The following STARD3NL variants were observed in gnomAD, a reference collection of about 807,000 sequenced individuals.
STARD3NL encodes STARD3 N-terminal like.
In STARD3NL, 17 loss-of-function variants were observed where a neutral mutation model predicts 30.9. The ratio of observed to expected loss-of-function variants is 0.55; its 90% CI spans 0.38 to 0.82. The LOEUF (loss-of-function observed/expected upper bound fraction) is 0.82, where lower values mean the gene tolerates loss of function less well. Among genes scored for constraint, STARD3NL ranks in the 40% least tolerant of loss-of-function variants. The pLI, the probability that STARD3NL is intolerant of heterozygous loss-of-function variation, is 0.00. For missense variants in STARD3NL, 234 were observed against 277.6 expected (o/e 0.84, Z 1.12); for synonymous variants, 112 against 100.5 (o/e 1.11, Z -0.69).
At chr7:38,202,861 A>G (rs888217074) in intron 1 of STARD3NL, among the ~76,000 whole-genome samples, 5 of 151,414 alleles carry the variant, frequency 3.3e-5, no homozygotes, top group Middle Eastern at 6.3e-3. Context: ...GCTGAGAATG[A>G]TGGTTTCCAG....
chr7:38,223,265 G>A (rs1042030852), intron 7 of STARD3NL, among the ~76,000 whole-genome samples: 2 of 152,144 alleles, frequency 1.3e-5, no homozygotes, highest in African/African-American at 4.8e-5. Context: ...TACTTGTAAA[G>A]GATATAAAAA....
At chr7:38,213,982 G>GCAC in intron 2 of STARD3NL, among the ~76,000 whole-genome samples, 1 of 152,316 alleles carries the variant, frequency 6.6e-6, no homozygotes, top group South Asian at 2.1e-4. Context: ...AGACAGTGGA[G>GCAC]CGTGATCAGA....
intron 7 of STARD3NL, among the ~76,000 whole-genome samples, chr7:38,221,771 C>T (rs574312438): frequency 3.3e-5 from 5 of 152,316 alleles, no homozygotes; most frequent in African/African-American, 7.2e-5. Context: ...GGCACTGTCA[C>T]CAGTTGTCTA....
intron 6 of STARD3NL, among the ~76,000 whole-genome samples, chr7:38,218,021 G>A (rs893058649): frequency 1.3e-5 from 2 of 152,122 alleles, no homozygotes; most frequent in Non-Finnish European, 2.9e-5. Flanking sequence ...CACTAGGAAG[G>A]CCAAATGATT....
chr7:38,209,666 C>T (rs1024909744), intron 2 of STARD3NL, among the ~76,000 whole-genome samples: 4 of 152,104 alleles, frequency 2.6e-5, no homozygotes, highest in Admixed American at 2.0e-4. Flanking sequence ...ACAGCAAGTC[C>T]GGGCATTCAT....
chr7:38,208,833 C>A (rs1245299218), intron 2 of STARD3NL, among the ~76,000 whole-genome samples: 1 of 152,156 alleles, frequency 6.6e-6, no homozygotes, highest in Non-Finnish European at 1.5e-5. Context: ...TGCCTTTTAA[C>A]AGCAAGAAGC....
chr7:38,188,515 T>C (rs944843826), intron 1 of STARD3NL, among the ~76,000 whole-genome samples: 1 of 152,212 alleles, frequency 6.6e-6, no homozygotes, highest in Non-Finnish European at 1.5e-5. Flanking sequence ...TCTGTGAGGA[T>C]AGATGTTTTG....
chr7:38,204,557 A>G (rs933522076), intron 1 of STARD3NL, among the ~76,000 whole-genome samples: 24 of 152,308 alleles, frequency 1.6e-4, no homozygotes, highest in Admixed American at 1.4e-3. Flanking sequence ...TTGACACCCT[A>G]ACATCACAAT....
chr7:38,189,648 A>C (rs1216793712), intron 1 of STARD3NL, among the ~76,000 whole-genome samples: 2 of 152,212 alleles, frequency 1.3e-5, no homozygotes, highest in African/African-American at 4.8e-5. Context: ...AACAATAATA[A>C]AACACCATTT....
In STARD3NL at chr7:38,229,949, C is replaced by T. The variant is rs1183814776; in HGVS notation, c.*44C>T. 1 of 152,474 alleles carries T rather than the reference C, an allele frequency of 6.6e-6. No homozygotes were observed. The highest frequency in any genetic ancestry group is 1.5e-5 in the Non-Finnish European group (1 of 68,018). 9.4% of individuals were successfully genotyped at this position (152,474 alleles called of 1,614,324 possible). On this transcript the variant is annotated 3_prime_UTR_variant, in exon 9 of 9. Coordinates refer to ENST00000009041, the MANE Select transcript of STARD3NL (RefSeq NM_032016.4). ...GTGAAAAACCCTCACAGAAAGTCAT[C>T]GAGGCAAAAAGAGGCAGGCAGTGGA...
intron 1 of STARD3NL, among the ~76,000 whole-genome samples, chr7:38,181,814 C>T (rs1284409353): frequency 2.0e-5 from 3 of 152,118 alleles, no homozygotes; most frequent in Non-Finnish European, 4.4e-5. Context: ...CATCTTCTGC[C>T]ATGAGCCTAG....
At chr7:38,192,379 A>G (rs1018398009) in intron 1 of STARD3NL, among the ~76,000 whole-genome samples, 1 of 152,180 alleles carries the variant, frequency 6.6e-6, no homozygotes, top group African/African-American at 2.4e-5. Flanking sequence ...CTCTTCTTTG[A>G]TAGGGGCAGA....
intron 1 of STARD3NL, among the ~76,000 whole-genome samples, chr7:38,196,659 A>G (rs980607280): frequency 6.6e-6 from 1 of 152,206 alleles, no homozygotes; most frequent in Non-Finnish European, 1.5e-5. Context: ...ATTTGAAGTA[A>G]TACCAAATAA....
chr7:38,206,672 C>T (rs1459321927), intron 1 of STARD3NL, among the ~76,000 whole-genome samples: 2 of 152,156 alleles, frequency 1.3e-5, no homozygotes, highest in East Asian at 3.8e-4. Context: ...TAGAAACATG[C>T]TTGTTCATTA....
At chr7:38,184,387 C>T (rs561287257) in intron 1 of STARD3NL, among the ~76,000 whole-genome samples, 2 of 151,820 alleles carry the variant, frequency 1.3e-5, no homozygotes, top group Admixed American at 6.6e-5. Context: ...TTAATTGGCT[C>T]ACAGTTCTGC....
At chr7:38,204,610 G>T (rs1400919589) in intron 1 of STARD3NL, among the ~76,000 whole-genome samples, 1 of 152,158 alleles carries the variant, frequency 6.6e-6, no homozygotes, top group Non-Finnish European at 1.5e-5. Context: ...TCAAAAGCTA[G>T]CAGAAGGCAA....
chr7:38,193,682 G>A (rs534156056), intron 1 of STARD3NL, among the ~76,000 whole-genome samples: 20 of 152,214 alleles, frequency 1.3e-4, no homozygotes, highest in African/African-American at 4.3e-4. Flanking sequence ...TTGTGGGAGC[G>A]GTTGTGAGGT....
intron 1 of STARD3NL, among the ~76,000 whole-genome samples, chr7:38,192,970 T>A (rs961581042): frequency 6.6e-6 from 1 of 152,130 alleles, no homozygotes; most frequent in Non-Finnish European, 1.5e-5. Context: ...GGGATGTGTT[T>A]CTCCCTGGCT....
Position 38,207,593 on chromosome 7 carries a change from C to A in STARD3NL, c.89C>A (p.Pro30His), listed in dbSNP as rs1265419960. The change falls in exon 2 of 9, where the codon CCC (proline) becomes CAC (histidine). Residue 30 changes from proline (P) to histidine (H), a missense_variant. Physicochemically the swap from Pro to His is moderately conservative, Grantham distance 77 (BLOSUM62 -2). Transcript: ENST00000009041. Reference sequence around the variant, plus strand: ...CTGCGCAATATCCATTCCATCAACCCCACACAACTCATGGCCAGGATTGAG... The same window carrying A: ...CTGCGCAATATCCATTCCATCAACCACACACAACTCATGGCCAGGATTGAG... ...ASLRNIHSIN[P>H]TQLMARIESY... 1.2e-6 allele frequency: 2 copies of A among 1,614,048 alleles called. No homozygotes were observed. The highest frequency in any genetic ancestry group is 1.7e-6 in the Non-Finnish European group (2 of 1,179,950).
Sources: gnomAD v4.1 joint callset for allele counts (sites outside exome capture counted in the v4.1 genomes callset) on GRCh38, gnomAD v4.1.1 for gene constraint, MANE v1.5 for transcripts, NCBI Gene and HGNC (gene_info 2026-07-23, HGNC 2026-07-21) for gene names.